RNF13: variants seen among roughly 807,000 people sequenced by gnomAD.
RNF13 encodes E3 ubiquitin-protein ligase RNF13.
In RNF13, 19 loss-of-function variants were observed where a neutral mutation model predicts 37.7. The ratio of observed to expected loss-of-function variants is 0.50; its 90% CI spans 0.35 to 0.74. The LOEUF (loss-of-function observed/expected upper bound fraction) is 0.74, where lower values mean the gene tolerates loss of function less well. Ranked by LOEUF, RNF13 falls within the 30% of genes least tolerant of loss-of-function variation. RNF13 has a pLI of 0.01. For missense variants in RNF13, 375 were observed against 453.0 expected, an observed-to-expected ratio of 0.83 and a Z score of 1.56; for synonymous variants, 144 against 157.8, an observed-to-expected ratio of 0.91 and a Z score of 0.65.
At chr3:149,855,875 C>G in intron 3 of RNF13, among the ~76,000 whole-genome samples, 1 of 152,138 alleles carries the variant, frequency 6.6e-6, no homozygotes, top group Admixed American at 6.5e-5. Flanking sequence ...AAAGTATTAT[C>G]TTGTTTTAAT....
chr3:149,816,071 T>A (rs1328060989), intron 1 of RNF13, among the ~76,000 whole-genome samples: 2 of 151,664 alleles, frequency 1.3e-5, no homozygotes, highest in Non-Finnish European at 2.9e-5. Flanking sequence ...TAAATTTTTT[T>A]TTTTTTTTTG....
chr3:149,813,102 G>A (rs780390863), upstream of RNF13: 3 of 152,274 alleles, frequency 2.0e-5, no homozygotes, highest in Non-Finnish European at 2.9e-5. Context: ...AGCAAGTAGC[G>A]AGACTCCGCG....
At chr3:149,868,845 TG>T (rs1321423422) in intron 3 of RNF13, among the ~76,000 whole-genome samples, 1 of 151,850 alleles carries the variant, frequency 6.6e-6, no homozygotes, top group Non-Finnish European at 1.5e-5. Flanking sequence ...GGGTCAAATC[TG>T]TTTGTTCTCT....
intron 1 of RNF13, among the ~76,000 whole-genome samples, chr3:149,816,187 A>G (rs1263934556): frequency 1.3e-5 from 2 of 151,952 alleles, no homozygotes; most frequent in South Asian, 2.1e-4. Context: ...GGTGTGATAC[A>G]TCATGCCTGT....
intron 6 of RNF13, among the ~76,000 whole-genome samples, chr3:149,908,049 A>G (rs1420369250): frequency 6.6e-6 from 1 of 152,240 alleles, no homozygotes; most frequent in South Asian, 2.1e-4. Flanking sequence ...CAATCTGACA[A>G]GAAGAAAATG....
intron 4 of RNF13, among the ~76,000 whole-genome samples, chr3:149,887,847 T>C (rs888135386): frequency 1.3e-5 from 2 of 152,184 alleles, no homozygotes; most frequent in African/African-American, 2.4e-5. Flanking sequence ...TTCAGTCTTT[T>C]ACCAGCAAAT....
At chr3:149,883,140 C>G (rs1713611295) in intron 4 of RNF13, among the ~76,000 whole-genome samples, 1 of 152,002 alleles carries the variant, frequency 6.6e-6, no homozygotes, top group Non-Finnish European at 1.5e-5. Flanking sequence ...TCCAAAATAT[C>G]TCTTATAGTT....
intron 1 of RNF13, among the ~76,000 whole-genome samples, chr3:149,840,376 A>C (rs1411790275): frequency 2.6e-5 from 4 of 152,004 alleles, no homozygotes; most frequent in Non-Finnish European, 5.9e-5. Context: ...TATTATAGGC[A>C]TACTCAAAAT....
At chr3:149,896,130 C>G (rs1471630605) in intron 5 of RNF13, among the ~76,000 whole-genome samples, 2 of 152,180 alleles carry the variant, frequency 1.3e-5, no homozygotes, top group Admixed American at 6.5e-5. Context: ...GACTTTGAAG[C>G]TGTATGCCTC....
intron 4 of RNF13, among the ~76,000 whole-genome samples, chr3:149,893,620 A>G (rs1239714): frequency 6.6e-6 from 1 of 152,216 alleles, no homozygotes; most frequent in African/African-American, 2.4e-5. Context: ...AAGTTAATGT[A>G]TGTAACAAAT....
At chr3:149,871,759 G>C (rs934694652) in intron 3 of RNF13, among the ~76,000 whole-genome samples, 4 of 152,098 alleles carry the variant, frequency 2.6e-5, no homozygotes, top group African/African-American at 9.7e-5. Flanking sequence ...ACCAGTGGTT[G>C]TCTTTGGGGT....
At chr3:149,881,676 G>A (rs1713425620) in intron 4 of RNF13, among the ~76,000 whole-genome samples, 1 of 152,106 alleles carries the variant, frequency 6.6e-6, no homozygotes, top group Admixed American at 6.5e-5. Flanking sequence ...TTTGGCTTCT[G>A]TTTTTTGGTA....
At position 149,924,659 on chromosome 3, in the gene RNF13, G is replaced by A. The variant is rs374812236; in HGVS notation, c.700+3432G>A. 1.5e-3 allele frequency among the ~76,000 whole-genome samples: 230 copies of A among 152,278 alleles called. 1 individual carries two copies. The highest frequency in any genetic ancestry group is 5.1e-3 in the African/African-American group (214 of 41,554). On this transcript the variant is annotated intron_variant, in intron 8 of 9. Transcript: ENST00000392894. ...ATCTTGATGAGCAGTTGACAGAGTG[G>A]TCAGGCCAAAAATCTGATTGTAGTT...
chr3:149,940,963 CTGGCATATTTTGCTTAGCATAA>C (rs974076771), intron 8 of RNF13, among the ~76,000 whole-genome samples: 1 of 152,190 alleles, frequency 6.6e-6, no homozygotes, highest in Non-Finnish European at 1.5e-5. Flanking sequence ...CCTTTTGCAA[CTGGCATATTTTGCTTAGCATAA>C]TGCCCTCACG....
Position 149,852,525 on chromosome 3 carries a change from GA to G in RNF13, c.128del (p.Asn43MetfsTer22). 3 of 1,526,342 alleles carry G rather than the reference GA, an allele frequency of 2.0e-6. No homozygotes were observed. The highest frequency in any genetic ancestry group is 1.3e-5 in the South Asian group (1 of 77,992). The allele number at this position is 1,526,342 out of a possible 1,614,324, so 94.5% of individuals were successfully genotyped here. ...AAAATTTTATTTTTAGTATAACTTT[GA>G]AAATGCATCTCAGACATTTGATGAC... ...VEADILAYNF[E>X]NASQTFDDLP... On this transcript the variant is annotated frameshift_variant, in exon 3 of 10. Coordinates refer to ENST00000392894, the MANE Select transcript of RNF13 (RefSeq NM_183381.3). LOFTEE classifies it high-confidence loss of function.
At chr3:149,846,460 G>C (rs1265409645) in intron 2 of RNF13, among the ~76,000 whole-genome samples, 1 of 151,976 alleles carries the variant, frequency 6.6e-6, no homozygotes, top group Non-Finnish European at 1.5e-5. Flanking sequence ...GTGCCACCAT[G>C]CCCGACTAAT....
rs1311016389 is a variant in RNF13 at position 149,830,445 on chromosome 3, G to A, written c.-16-15566G>A. ...TTAGCAAACAGACTGGTGGCATTTT[G>A]TCCCTGCCCTAGAGATTTGTGGAAC... On this transcript the variant is annotated intron_variant, in intron 1 of 9. Transcript: ENST00000392894. Among the ~76,000 whole-genome samples, 8 of 19,498 alleles carry A rather than the reference G, an allele frequency of 4.1e-4. No homozygotes were observed. The South Asian group carries it at 5.6e-3, about 14-fold the overall frequency. 12.8% of individuals were successfully genotyped at this position (19,498 alleles called of 152,430 possible). A position where few individuals can be genotyped will look rare whatever the true frequency, so the allele number is the denominator to read the frequency against.
intron 4 of RNF13, among the ~76,000 whole-genome samples, chr3:149,890,465 G>C (rs913734026): frequency 9.2e-5 from 14 of 152,064 alleles, no homozygotes; most frequent in Non-Finnish European, 2.9e-5. Flanking sequence ...ATAACTCTTA[G>C]TATGTGCCAG....
intron 8 of RNF13, among the ~76,000 whole-genome samples, chr3:149,951,128 T>C (rs941060293): frequency 6.6e-6 from 1 of 152,178 alleles, no homozygotes; most frequent in African/African-American, 2.4e-5. Context: ...GGAAGTGTTT[T>C]AACTCTCAGA....
Sources: allele counts gnomAD v4.1 joint callset (sites outside exome capture counted in the v4.1 genomes callset), GRCh38; gene constraint gnomAD v4.1.1; transcripts MANE v1.5; gene names NCBI Gene and HGNC (gene_info 2026-07-23, HGNC 2026-07-21).